RASGRF1: variants seen among roughly 807,000 people sequenced by gnomAD.
RASGRF1 encodes the protein ras-specific guanine nucleotide-releasing factor 1.
A neutral mutation model predicts 138.7 loss-of-function variants in RASGRF1; 40 were observed. The ratio of observed to expected loss-of-function variants is 0.29; its 90% CI spans 0.22 to 0.38. RASGRF1 has a LOEUF of 0.38. Among genes scored for constraint, RASGRF1 ranks in the 10% least tolerant of loss-of-function variants. RASGRF1 has a pLI of 1.00. For synonymous variants in RASGRF1, 614 were observed against 663.2 expected, an observed-to-expected ratio of 0.93 and a Z score of 1.14; for missense variants, 1,108 against 1,650.4, an observed-to-expected ratio of 0.67 and a Z score of 5.69.
At chr15:79,068,772 G>A (rs1368192136) in intron 1 of RASGRF1, among the ~76,000 whole-genome samples, 5 of 152,072 alleles carry the variant, frequency 3.3e-5, no homozygotes, top group Non-Finnish European at 7.4e-5. Context: ...CTCAGAGGCT[G>A]TGTATGTTTC....
At chr15:78,970,849 AC>A (rs2055744183) in intron 26 of RASGRF1, among the ~76,000 whole-genome samples, 1 of 145,414 alleles carries the variant, frequency 6.9e-6, no homozygotes, top group African/African-American at 2.5e-5. Flanking sequence ...TTTCAGACCA[AC>A]CATTCTCTTA....
rs1201993830 is a variant in RASGRF1, at chr15:78,961,379, GGGCCAGTGGTCGGCAAGAGTCGACGT to G, written c.*739_*764del. ...GTGTTCCCGACTTTCAGTGGATGCT[GGGCCAGTGGTCGGCAAGAGTCGACGT>G]GGCTTGGTGTTTGTGACTCCATTTC... On this transcript the variant is annotated 3_prime_UTR_variant, in exon 27 of 27. Coordinates refer to ENST00000558480, the MANE Select transcript of RASGRF1 (RefSeq NM_001145648.3). 6.6e-6 allele frequency: 1 copy of G among 152,226 alleles called. No homozygotes were observed. The highest frequency in any genetic ancestry group is 1.9e-4 in the East Asian group (1 of 5,198). The allele number at this position is 152,226 out of a possible 1,614,324, so 9.4% of individuals were successfully genotyped here.
At chr15:79,083,964 A>G (rs2057947100) in intron 1 of RASGRF1, among the ~76,000 whole-genome samples, 1 of 151,990 alleles carries the variant, frequency 6.6e-6, no homozygotes, top group Non-Finnish European at 1.5e-5. Flanking sequence ...CTACAAAATT[A>G]TATACATTTA....
chr15:78,999,873 G>T lies in RASGRF1; in HGVS notation c.2616C>A (p.Thr872=), dbSNP rs184880194. ...GGTTATTGTCCAGTTCACGACAGGA[G>T]GTCATGACGACTCCATTGTTATAGG... is the stretch of plus-strand genomic sequence containing the variant. ...LFSYNNGVVM[T]SCRELDNNRS... The change falls in exon 17 of 27, where the codon ACC becomes ACA. Residue 872 remains threonine (T), a synonymous_variant. Coordinates refer to ENST00000558480, the MANE Select transcript of RASGRF1 (RefSeq NM_001145648.3). 27 of 1,614,186 alleles carry T rather than the reference G, an allele frequency of 1.7e-5. No homozygotes were observed. In the African/African-American group the frequency reaches 3.2e-4, roughly 19 times the overall value.
At chr15:79,080,568 A>G (rs1159912546) in intron 1 of RASGRF1, among the ~76,000 whole-genome samples, 3 of 152,212 alleles carry the variant, frequency 2.0e-5, no homozygotes, top group Non-Finnish European at 4.4e-5. Flanking sequence ...AAATTTCTAC[A>G]TGGAGTTTTG....
Position 78,999,760 on chromosome 15 carries a change from A to C in RASGRF1, c.2729T>G (p.Met910Arg). 1.2e-6 allele frequency: 2 copies of C among 1,613,910 alleles called. No homozygotes were observed. Among genetic ancestry groups the C allele is most frequent in the Non-Finnish European group, 1.7e-6 (2 of 1,179,966 alleles). The change falls in exon 17 of 27, where the codon ATG (methionine) becomes AGG (arginine). Residue 910 changes from methionine (M) to arginine (R), a missense_variant. Met to Arg is a moderately conservative substitution (Grantham distance 91). Coordinates refer to ENST00000558480, the MANE Select transcript of RASGRF1 (RefSeq NM_001145648.3). ...GTPNKEKYRR[M>R]SLASAGFPPD... is the part of the protein sequence containing the mutation. ...CCACATACCTGCACTGGCTAAGGAC[A>C]TCCTCCGGTACTTCTCCTTGTTTGG...
At chr15:79,023,177 G>T (rs1260661066) in intron 10 of RASGRF1, among the ~76,000 whole-genome samples, 1 of 143,876 alleles carries the variant, frequency 7.0e-6, no homozygotes, top group Admixed American at 7.0e-5. Context: ...CCGTCTTGGG[G>T]AAAAAAAAAA....
chr15:79,061,413 A>AATATATATAT (rs57956576), intron 2 of RASGRF1, among the ~76,000 whole-genome samples: 2,155 of 117,006 alleles, frequency 0.018, 89 homozygotes, highest in Admixed American at 0.059. Flanking sequence ...CTATCTTTAA[A>AATATATATAT]ATATATATAT....
intron 13 of RASGRF1, chr15:79,012,515 CTCCCTGG>C (rs1379090958): frequency 6.2e-7 from 1 of 1,613,260 alleles, no homozygotes; most frequent in Non-Finnish European, 8.5e-7. Context: ...CCCTGGTCCC[CTCCCTGG>C]TCCTCCTGTG....
intron 14 of RASGRF1, chr15:79,005,393 G>A (rs1324359164): frequency 1.0e-6 from 1 of 985,298 alleles, no homozygotes; most frequent in Non-Finnish European, 1.2e-6. Flanking sequence ...GGGTGTTTTG[G>A]GGCAGGGCAC....
chr15:79,017,980 C>T (rs536219878), intron 11 of RASGRF1, 74 bp from the exon 12 acceptor site: 4 of 1,573,238 alleles, frequency 2.5e-6, no homozygotes, highest in East Asian at 2.3e-5. Flanking sequence ...TTTAGTGGTC[C>T]CTGTCGTACG....
intron 11 of RASGRF1, among the ~76,000 whole-genome samples, chr15:79,018,522 C>T (rs1172460722): frequency 6.6e-6 from 1 of 152,222 alleles, no homozygotes; most frequent in African/African-American, 2.4e-5. Flanking sequence ...ATTAGGGGTG[C>T]ACTGAATGGG....
intron 8 of RASGRF1, among the ~76,000 whole-genome samples, chr15:79,029,322 T>C (rs2057104624): frequency 1.3e-5 from 2 of 152,148 alleles, no homozygotes; most frequent in South Asian, 4.1e-4. Context: ...ATTATGGAAA[T>C]AGCCAATGGT....
intron 3 of RASGRF1, among the ~76,000 whole-genome samples, chr15:79,056,740 G>T (rs2057516395): frequency 6.6e-6 from 1 of 152,164 alleles, no homozygotes; most frequent in Admixed American, 6.5e-5. Flanking sequence ...ATTACTCTTA[G>T]TTCAGGGCTT....
chr15:79,034,680 G>GA (rs368203951), intron 6 of RASGRF1, among the ~76,000 whole-genome samples: 17,150 of 142,550 alleles, frequency 0.12, 1,095 homozygotes, highest in Middle Eastern at 0.16. Context: ...CTAAGTAAAA[G>GA]AAAAAAAAAA....
intron 3 of RASGRF1, among the ~76,000 whole-genome samples, chr15:79,053,151 G>T (rs796183232): frequency 6.6e-5 from 10 of 152,260 alleles, no homozygotes; most frequent in African/African-American, 2.4e-4. Context: ...TGTAATACCA[G>T]CTAGTTGGGA....
At chr15:79,005,648 T>G (rs2056654246) in intron 14 of RASGRF1, 3 of 991,016 alleles carry the variant, frequency 3.0e-6, no homozygotes, top group Admixed American at 5.6e-5. Flanking sequence ...TCACCCCAAG[T>G]AGGCCAAAAA....
chr15:79,069,172 G>A (rs2057721733), intron 1 of RASGRF1, among the ~76,000 whole-genome samples: 1 of 152,206 alleles, frequency 6.6e-6, no homozygotes, highest in African/African-American at 2.4e-5. Flanking sequence ...ACAGAGCCTA[G>A]TACTGAGTGG....
intron 18 of RASGRF1, 95 bp from the exon 19 acceptor site, chr15:78,998,303 A>G (rs1015249873): frequency 3.7e-6 from 4 of 1,083,626 alleles, no homozygotes; most frequent in African/African-American, 3.1e-5. Flanking sequence ...TCCAGTTTCT[A>G]TTCTGCCCAG....
Sources: gnomAD v4.1 joint callset for allele counts (sites outside exome capture counted in the v4.1 genomes callset) on GRCh38, gnomAD v4.1.1 for gene constraint, MANE v1.5 for transcripts, NCBI Gene and HGNC (gene_info 2026-07-23, HGNC 2026-07-21) for gene names.